The following HS3ST2 variants were observed in gnomAD, a reference collection of about 807,000 sequenced individuals.
HS3ST2 encodes the protein heparan sulfate glucosamine 3-O-sulfotransferase 2.
In HS3ST2, 17 loss-of-function variants were observed where a neutral mutation model predicts 26.3. The observed-to-expected ratio is 0.65, with a 90% CI of 0.44 to 0.97. HS3ST2 has a LOEUF of 0.97. Ranked by LOEUF, HS3ST2 falls within the 50% of genes least tolerant of loss-of-function variation. The pLI is 0.00. For missense variants in HS3ST2, 402 were observed against 501.2 expected, an observed-to-expected ratio of 0.80 and a Z score of 1.89; for synonymous variants, 237 against 219.2, an observed-to-expected ratio of 1.08 and a Z score of -0.72.
chr16:22,815,316 T>C (rs889296512), intron 1 of HS3ST2, among the ~76,000 whole-genome samples: 1 of 152,206 alleles, frequency 6.6e-6, no homozygotes, highest in Non-Finnish European at 1.5e-5. Flanking sequence ...CCCTCGTCAC[T>C]GGAGTCGTTG....
intron 1 of HS3ST2, among the ~76,000 whole-genome samples, chr16:22,833,813 A>G (rs982298972): frequency 6.6e-6 from 1 of 152,172 alleles, no homozygotes; most frequent in Non-Finnish European, 1.5e-5. Flanking sequence ...TTTACAAATA[A>G]TTATTTAAAT....
At chr16:22,877,507 T>C (rs1355521799) in intron 1 of HS3ST2, among the ~76,000 whole-genome samples, 1 of 152,184 alleles carries the variant, frequency 6.6e-6, no homozygotes, top group African/African-American at 2.4e-5. Flanking sequence ...AGGATGCATG[T>C]CTTTCTTTAT....
chr16:22,833,189 T>C (rs1365909672), intron 1 of HS3ST2: 4 of 455,770 alleles, frequency 8.8e-6, no homozygotes, highest in Non-Finnish European at 1.8e-5. Flanking sequence ...CTGTATTGCT[T>C]GCACTTTGTA....
chr16:22,828,197 G>A (rs966646969), intron 1 of HS3ST2, among the ~76,000 whole-genome samples: 2 of 152,202 alleles, frequency 1.3e-5, no homozygotes, highest in African/African-American at 4.8e-5. Context: ...TCCCAAATAG[G>A]TGGGAGATGG....
chr16:22,889,587 G>GA (rs1423687476), intron 1 of HS3ST2, among the ~76,000 whole-genome samples: 2 of 152,026 alleles, frequency 1.3e-5, no homozygotes, highest in Non-Finnish European at 2.9e-5. Context: ...CCAAAATCTG[G>GA]AAAAAATCCC....
intron 1 of HS3ST2, among the ~76,000 whole-genome samples, chr16:22,858,157 CAATT>C (rs1175540623): frequency 6.6e-6 from 1 of 151,792 alleles, no homozygotes; most frequent in Non-Finnish European, 1.5e-5. Context: ...TAGTCAAAGA[CAATT>C]AAATTGTACA....
chr16:22,914,758 AAAAAAAG>A, intron 1 of HS3ST2, among the ~76,000 whole-genome samples, 179 bp from the exon 2 acceptor site: 1 of 148,908 alleles, frequency 6.7e-6, no homozygotes, highest in African/African-American at 2.5e-5. Context: ...AAAAAAAAAA[AAAAAAAG>A]AGAAGAAAAG....
At chr16:22,885,616 C>T (rs769988671) in intron 1 of HS3ST2, among the ~76,000 whole-genome samples, 7 of 152,012 alleles carry the variant, frequency 4.6e-5, no homozygotes, top group African/African-American at 1.2e-4. Flanking sequence ...CCACCACGCC[C>T]GGGTAATTTT....
intron 1 of HS3ST2, among the ~76,000 whole-genome samples, chr16:22,858,374 T>A (rs543773981): frequency 6.6e-6 from 1 of 151,512 alleles, no homozygotes; most frequent in East Asian, 1.9e-4. Flanking sequence ...GCTCTTGGAC[T>A]ATCAAAAAAG....
At chr16:22,867,689 A>G (rs529580000) in intron 1 of HS3ST2, among the ~76,000 whole-genome samples, 3 of 152,350 alleles carry the variant, frequency 2.0e-5, no homozygotes, top group Admixed American at 2.0e-4. Context: ...AGAAACATGG[A>G]AAGGATCCAC....
chr16:22,863,616 ACCATTTGTATGT>A (rs1326284867), intron 1 of HS3ST2, among the ~76,000 whole-genome samples: 1 of 152,066 alleles, frequency 6.6e-6, no homozygotes, highest in Non-Finnish European at 1.5e-5. Flanking sequence ...GTCTATTGTT[ACCATTTGTATGT>A]CCTGGGATGT....
Position 22,814,767 on chromosome 16 carries a change from C to A in HS3ST2, c.157C>A (p.Pro53Thr), listed in dbSNP as rs1186600336. The A allele has an allele frequency of 6.2e-7, 1 of 1,604,640 alleles. No individual in the cohort carries two copies. The highest frequency in any genetic ancestry group is 8.5e-7 in the Non-Finnish European group (1 of 1,176,934). Residue 53 changes from proline to threonine, a missense_variant, in exon 1 of 2, where the codon CCT (proline) becomes ACT (threonine). Physicochemically the swap from Pro to Thr is conservative, Grantham distance 38 (BLOSUM62 -1). Coordinates refer to ENST00000261374, the MANE Select transcript of HS3ST2 (RefSeq NM_006043.2). ...GGGTCGGAGCCGCCTCCTCGGCGCG[C>A]CTCGCTGCCTCCGCGGCCCCAGCGC... ...DLGRSRLLGA[P>T]RCLRGPSAGG...
At chr16:22,872,900 C>T (rs186330305) in intron 1 of HS3ST2, among the ~76,000 whole-genome samples, 147 of 152,276 alleles carry the variant, frequency 9.7e-4, no homozygotes, top group African/African-American at 3.4e-3. Context: ...ACCACCAGTA[C>T]TGAGATCTCT....
Position 22,894,673 on chromosome 16 carries a change from C to T in HS3ST2, c.486-20271C>T, listed in dbSNP as rs533222194. Among the ~76,000 whole-genome samples the T allele has an allele frequency of 6.0e-5, 9 of 149,918 alleles. 1 individual carries two copies. The South Asian group carries it at 6.3e-4, about 11-fold the overall frequency. On this transcript the variant is annotated intron_variant, in intron 1 of 1. Transcript: ENST00000261374. ...AGCCACTTTGGGAGCCCAAGGTGGGCGGATCACTTGAGGCCAGATGTTCAA... is the reference window on the plus strand; with the variant it reads ...AGCCACTTTGGGAGCCCAAGGTGGGTGGATCACTTGAGGCCAGATGTTCAA...
chr16:22,906,943 T>C (rs1902364290), intron 1 of HS3ST2, among the ~76,000 whole-genome samples: 1 of 152,122 alleles, frequency 6.6e-6, no homozygotes, highest in Non-Finnish European at 1.5e-5. Flanking sequence ...GGATCTGTGG[T>C]ATAAATGGAT....
At chr16:22,835,626 G>A (rs897798795) in intron 1 of HS3ST2, among the ~76,000 whole-genome samples, 2 of 152,108 alleles carry the variant, frequency 1.3e-5, no homozygotes, top group African/African-American at 4.8e-5. Flanking sequence ...CCACTTCTAT[G>A]TTCCTCCATA....
chr16:22,859,186 C>T (rs1228659874), intron 1 of HS3ST2, among the ~76,000 whole-genome samples: 1 of 152,090 alleles, frequency 6.6e-6, no homozygotes, highest in African/African-American at 2.4e-5. Context: ...AACAAACGAA[C>T]ACTTTATCCT....
At chr16:22,822,756 G>A (rs937379171) in intron 1 of HS3ST2, among the ~76,000 whole-genome samples, 3 of 151,940 alleles carry the variant, frequency 2.0e-5, no homozygotes, top group Non-Finnish European at 2.9e-5. Context: ...TTGGGAGGCT[G>A]AGGAAGGAGA....
intron 1 of HS3ST2, among the ~76,000 whole-genome samples, chr16:22,837,523 A>G (rs1025161207): frequency 2.0e-5 from 3 of 146,774 alleles, no homozygotes; most frequent in Non-Finnish European, 4.5e-5. Flanking sequence ...ATATATATAC[A>G]CATATATATA....
Sources: gnomAD v4.1 joint callset for allele counts (sites outside exome capture counted in the v4.1 genomes callset) on GRCh38, gnomAD v4.1.1 for gene constraint, MANE v1.5 for transcripts, NCBI Gene and HGNC (gene_info 2026-07-23, HGNC 2026-07-21) for gene names.